Variants in FER observed in about 807,000 individuals in gnomAD.
The protein encoded by FER is FER tyrosine kinase, also known as tyrosine-protein kinase Fer.
In FER, 63 loss-of-function variants were observed where a neutral mutation model predicts 111.0. That is an observed-to-expected ratio of 0.57 (90% CI 0.46 to 0.70). FER has a LOEUF of 0.70. Ranked by LOEUF, FER falls within the 30% of genes least tolerant of loss-of-function variation. The probability of loss-of-function intolerance (pLI) is 0.00; values close to 1 mark genes in which losing one functional copy is unlikely to be tolerated. For synonymous variants in FER, 327 were observed against 313.9 expected (o/e 1.04, Z -0.44); for missense variants, 914 against 954.0 (o/e 0.96, Z 0.55).
chr5:109,123,402 C>T (rs910754014), intron 17 of FER, among the ~76,000 whole-genome samples: 3 of 151,854 alleles, frequency 2.0e-5, no homozygotes, highest in Non-Finnish European at 4.4e-5. Flanking sequence ...ATGATCCGCC[C>T]ACCTCAGCCT....
At chr5:109,019,333 T>C (rs1044098624) in intron 13 of FER, among the ~76,000 whole-genome samples, 7 of 151,870 alleles carry the variant, frequency 4.6e-5, no homozygotes, top group Admixed American at 2.6e-4. Flanking sequence ...GACACTAATA[T>C]ATCCTGCTCA....
chr5:109,065,891 A>G (rs1370127642), intron 16 of FER, among the ~76,000 whole-genome samples: 1 of 152,222 alleles, frequency 6.6e-6, no homozygotes, highest in Non-Finnish European at 1.5e-5. Flanking sequence ...AAATGTACCT[A>G]CAAAATGTAA....
chr5:108,763,098 T>C (rs1349449116), intron 1 of FER, among the ~76,000 whole-genome samples: 1 of 152,144 alleles, frequency 6.6e-6, no homozygotes, highest in Non-Finnish European at 1.5e-5. Context: ...GGAAAACTCA[T>C]GGCACACAGA....
At chr5:108,956,318 A>G (rs1758421089) in intron 12 of FER, among the ~76,000 whole-genome samples, 2 of 151,756 alleles carry the variant, frequency 1.3e-5, no homozygotes, top group Admixed American at 1.3e-4. Context: ...GGTAAAGTAT[A>G]AACTCGTTAA....
In FER at chr5:108,993,729, C is replaced by T. The variant is rs1561737582; in HGVS notation, c.1656+34382C>T. On this transcript the variant is annotated intron_variant, in intron 13 of 19. Coordinates refer to ENST00000281092, the MANE Select transcript of FER (RefSeq NM_005246.4). ...AGGATGGTTCTTCTGATGTTAATCA[C>T]TTGGGTGATTCCCACCAACAGTGTA... is the stretch of plus-strand genomic sequence containing the variant. Among the ~76,000 whole-genome samples, 3 of 151,968 alleles carry T rather than the reference C, an allele frequency of 2.0e-5. 1 individual carries two copies. The highest frequency in any genetic ancestry group is 6.8e-3 in the Middle Eastern group (2 of 292).
intron 9 of FER, among the ~76,000 whole-genome samples, chr5:108,889,860 AG>A (rs1747761329): frequency 6.6e-6 from 1 of 151,988 alleles, no homozygotes; most frequent in South Asian, 2.1e-4. Context: ...GTGATGTAGC[AG>A]CGGTGATACA....
intron 1 of FER, among the ~76,000 whole-genome samples, chr5:108,761,675 C>A (rs1007173236): frequency 5.3e-5 from 8 of 152,042 alleles, no homozygotes; most frequent in Non-Finnish European, 1.0e-4. Flanking sequence ...TTATAATAGA[C>A]CTTCAATTTG....
chr5:109,020,020 T>C (rs1767718378), intron 13 of FER, among the ~76,000 whole-genome samples: 1 of 152,002 alleles, frequency 6.6e-6, no homozygotes, highest in Admixed American at 6.6e-5. Flanking sequence ...AAATGTGTCT[T>C]ACTGCTTTGC....
chr5:109,177,914 AACACACAGGTTC>A (rs1179802658), intron 17 of FER, among the ~76,000 whole-genome samples: 2 of 152,344 alleles, frequency 1.3e-5, no homozygotes, highest in East Asian at 3.9e-4. Flanking sequence ...TGCAGTCTAT[AACACACAGGTTC>A]ACACTGATTG....
intron 13 of FER, among the ~76,000 whole-genome samples, chr5:109,000,107 A>G (rs2149776731): frequency 6.6e-6 from 1 of 151,864 alleles, no homozygotes; most frequent in South Asian, 2.1e-4. Flanking sequence ...GTATATATTT[A>G]CTGGTTAATG....
chr5:109,081,059 T>C (rs903085199), intron 16 of FER, among the ~76,000 whole-genome samples: 2 of 152,110 alleles, frequency 1.3e-5, no homozygotes, highest in African/African-American at 4.8e-5. Context: ...CTTATTGGGC[T>C]GAGCTTCCTG....
intron 13 of FER, among the ~76,000 whole-genome samples, chr5:108,963,233 T>C (rs1759361471): frequency 6.6e-6 from 1 of 152,172 alleles, no homozygotes; most frequent in East Asian, 1.9e-4. Flanking sequence ...AGAAATCGCT[T>C]TCTGAATCGA....
intron 13 of FER, among the ~76,000 whole-genome samples, chr5:108,970,511 C>T (rs189164780): frequency 6.6e-6 from 1 of 152,092 alleles, no homozygotes; most frequent in African/African-American, 2.4e-5. Flanking sequence ...TGAGCCACTG[C>T]GCCCAGCCTA....
chr5:109,051,669 T>G lies in FER; in HGVS notation c.1924+4471T>G, dbSNP rs1339665599. On this transcript the variant is annotated intron_variant, in intron 16 of 19. Coordinates refer to ENST00000281092, the MANE Select transcript of FER (RefSeq NM_005246.4). ...AGGAGCAGCCATTGAAATAAGCATA[T>G]TTTTGAGACCCACAGTCTTTGGCGG... 5 of 1,574,900 alleles carry G rather than the reference T, an allele frequency of 3.2e-6. No individual in the cohort carries two copies. In the African/African-American group the frequency reaches 6.7e-5, roughly 21 times the overall value.
At chr5:108,932,859 T>C (rs1444828319) in intron 10 of FER, among the ~76,000 whole-genome samples, 3 of 134,826 alleles carry the variant, frequency 2.2e-5, no homozygotes, top group Admixed American at 1.4e-4. Context: ...TTGCCCACTT[T>C]TTTTTTTTTT....
intron 5 of FER, among the ~76,000 whole-genome samples, chr5:108,856,544 T>A (rs1314069958): frequency 2.6e-5 from 4 of 152,194 alleles, no homozygotes; most frequent in African/African-American, 9.6e-5. Context: ...GATCTCTACA[T>A]TTTTGATACA....
At chr5:109,124,684 C>G (rs184687655) in intron 17 of FER, among the ~76,000 whole-genome samples, 2 of 151,902 alleles carry the variant, frequency 1.3e-5, no homozygotes, top group Non-Finnish European at 2.9e-5. Context: ...GACTCTGGGC[C>G]AGTTATTTAG....
chr5:108,814,811 T>C (rs1241198381), intron 3 of FER, among the ~76,000 whole-genome samples: 2 of 152,220 alleles, frequency 1.3e-5, no homozygotes, highest in South Asian at 4.1e-4. Context: ...TATAGTTATT[T>C]TGAAGTGTGT....
intron 3 of FER, among the ~76,000 whole-genome samples, chr5:108,811,035 A>G (rs1757702620): frequency 6.6e-6 from 1 of 152,112 alleles, no homozygotes; most frequent in Non-Finnish European, 1.5e-5. Flanking sequence ...AAGTGCTCCA[A>G]GTACCTGGAG....
Sources: allele counts gnomAD v4.1 joint callset (sites outside exome capture counted in the v4.1 genomes callset), GRCh38; gene constraint gnomAD v4.1.1; transcripts MANE v1.5; gene names NCBI Gene and HGNC (gene_info 2026-07-23, HGNC 2026-07-21).